Variants in GRM5 observed in about 807,000 individuals in gnomAD.
GRM5 encodes the protein metabotropic glutamate receptor 5.
GRM5 carries 19 observed loss-of-function variants against 83.1 expected under a neutral mutation model. The ratio of observed to expected loss-of-function variants is 0.23; its 90% CI spans 0.16 to 0.34. The LOEUF (loss-of-function observed/expected upper bound fraction) is 0.34, where lower values mean the gene tolerates loss of function less well. Among genes scored for constraint, GRM5 ranks in the 10% least tolerant of loss-of-function variants. GRM5 has a pLI of 1.00. For synonymous variants in GRM5, 675 were observed against 633.6 expected, an observed-to-expected ratio of 1.07 and a Z score of -0.98; for missense variants, 1,160 against 1,588.3, an observed-to-expected ratio of 0.73 and a Z score of 4.58.
Position 89,047,962 on chromosome 11 carries a change from T to C in GRM5, c.-90A>G. On this transcript the variant is annotated 5_prime_UTR_variant, in exon 2 of 10. Transcript: ENST00000305447. The surrounding 1 kb of genome is among the most constrained non-coding windows in gnomAD (Gnocchi z 5.1). ...GCTACGAACAAGCGATGTCCTACGT[T>C]GAGTCGCAAATCAAGAAATTAGCCA... 2 of 915,764 alleles carry C rather than the reference T, an allele frequency of 2.2e-6. No individual in the cohort carries two copies. The highest frequency in any genetic ancestry group is 3.4e-6 in the Non-Finnish European group (2 of 589,128). The allele number at this position is 915,764 out of a possible 1,614,324, so 56.7% of individuals were successfully genotyped here.
chr11:88,672,341 A>T (rs554939557), intron 3 of GRM5, among the ~76,000 whole-genome samples: 29 of 152,098 alleles, frequency 1.9e-4, no homozygotes, highest in Non-Finnish European at 3.1e-4. Context: ...TTGATGACAA[A>T]CATATTATAT....
At position 88,875,539 on chromosome 11, in the gene GRM5, T is replaced by C. The variant is rs180780259; in HGVS notation, c.662-25384A>G. On this transcript the variant is annotated intron_variant, in intron 2 of 9. Transcript: ENST00000305447. The stretch of plus-strand genomic sequence containing the variant: ...CACTCCCATGAATCACTAATGTTAT[T>C]AATGGTAATTAAAATGTTGAATCCT... Among the ~76,000 whole-genome samples, 17 of 152,182 alleles carry C rather than the reference T, an allele frequency of 1.1e-4. 3 individuals are homozygous for C. The highest frequency in any genetic ancestry group is 1.0e-3 in the Admixed American group (16 of 15,242).
At chr11:88,655,980 A>G (rs1939758933) in intron 3 of GRM5, among the ~76,000 whole-genome samples, 1 of 152,146 alleles carries the variant, frequency 6.6e-6, no homozygotes, top group Admixed American at 6.6e-5. Flanking sequence ...TTAAACATTA[A>G]CATTTTTATA....
intron 2 of GRM5, among the ~76,000 whole-genome samples, chr11:88,987,765 G>T (rs1000051240): frequency 4.0e-5 from 6 of 151,664 alleles, no homozygotes; most frequent in Non-Finnish European, 7.4e-5. Context: ...CACCTCACAC[G>T]GCAGGGTACT....
chr11:89,048,525 C>G (rs1409289324), intron 1 of GRM5, among the ~76,000 whole-genome samples: 1 of 152,136 alleles, frequency 6.6e-6, no homozygotes, highest in African/African-American at 2.4e-5. Context: ...AAATCTTTAG[C>G]CTTGAGCATG....
intron 3 of GRM5, among the ~76,000 whole-genome samples, chr11:88,843,018 G>C (rs1944231058): frequency 6.6e-6 from 1 of 152,098 alleles, no homozygotes; most frequent in Admixed American, 6.5e-5. Flanking sequence ...ACAAATTAAT[G>C]ACACTGAATA....
chr11:89,038,470 C>CCT (rs1941447710), intron 2 of GRM5, among the ~76,000 whole-genome samples: 2 of 152,168 alleles, frequency 1.3e-5, no homozygotes, highest in Non-Finnish European at 2.9e-5. Context: ...TTATTGGCAT[C>CCT]TGAAGGACAG....
intron 3 of GRM5, among the ~76,000 whole-genome samples, chr11:88,765,770 G>A (rs1040106284): frequency 2.6e-5 from 4 of 151,716 alleles, no homozygotes; most frequent in African/African-American, 9.7e-5. Context: ...ATGCTTCATG[G>A]CATTGTATTT....
At chr11:88,774,804 C>T (rs991448737) in intron 3 of GRM5, among the ~76,000 whole-genome samples, 4 of 152,126 alleles carry the variant, frequency 2.6e-5, no homozygotes, top group African/African-American at 4.8e-5. Context: ...CCAACTTGAT[C>T]GTGGTGGATA....
intron 3 of GRM5, among the ~76,000 whole-genome samples, chr11:88,709,453 C>T (rs990799143): frequency 3.9e-5 from 6 of 152,042 alleles, no homozygotes; most frequent in African/African-American, 1.4e-4. Context: ...CCATAGATTT[C>T]ACTGGGTCAC....
chr11:88,975,459 G>T (rs945270177), intron 2 of GRM5, among the ~76,000 whole-genome samples: 4 of 152,170 alleles, frequency 2.6e-5, no homozygotes, highest in Non-Finnish European at 2.9e-5. Flanking sequence ...GGTTTGAAAG[G>T]ATGCCAGGGA....
intron 3 of GRM5, among the ~76,000 whole-genome samples, chr11:88,686,297 A>G (rs1273432403): frequency 2.0e-5 from 3 of 152,092 alleles, no homozygotes; most frequent in Non-Finnish European, 4.4e-5. Context: ...GTTTTGGACA[A>G]TTTCTCCCAT....
At chr11:88,878,475 C>A (rs1944896031) in intron 2 of GRM5, among the ~76,000 whole-genome samples, 1 of 152,116 alleles carries the variant, frequency 6.6e-6, no homozygotes, top group Non-Finnish European at 1.5e-5. Context: ...TCCCTATTCC[C>A]TCCCCACAGT....
chr11:89,009,222 G>C (rs1940614942), intron 2 of GRM5: 6 of 563,552 alleles, frequency 1.1e-5, no homozygotes, highest in Non-Finnish European at 1.6e-5. Flanking sequence ...AGCATACCAA[G>C]ATGTAATGTC....
At chr11:88,844,502 G>A (rs1944265084) in intron 3 of GRM5, among the ~76,000 whole-genome samples, 1 of 147,628 alleles carries the variant, frequency 6.8e-6, no homozygotes, top group East Asian at 2.0e-4. Context: ...TTGTTTACAT[G>A]CCTGCTAACA....
intron 3 of GRM5, among the ~76,000 whole-genome samples, chr11:88,773,806 T>C (rs1942790105): frequency 6.6e-6 from 1 of 152,214 alleles, no homozygotes; most frequent in African/African-American, 2.4e-5. Context: ...GTTCCATTGG[T>C]CTATACATCT....
intron 7 of GRM5, among the ~76,000 whole-genome samples, chr11:88,585,095 G>A (rs571981841): frequency 1.3e-5 from 2 of 152,258 alleles, no homozygotes; most frequent in Non-Finnish European, 2.9e-5. Flanking sequence ...TATCTCAGAG[G>A]AGTCTGAAGG....
At chr11:88,702,203 T>C (rs1279736011) in intron 3 of GRM5, among the ~76,000 whole-genome samples, 1 of 152,082 alleles carries the variant, frequency 6.6e-6, no homozygotes, top group Non-Finnish European at 1.5e-5. Context: ...ATATAGCCTG[T>C]GGTAGATAGA....
At chr11:88,583,187 A>G (rs911628464) in intron 7 of GRM5, among the ~76,000 whole-genome samples, 1 of 152,068 alleles carries the variant, frequency 6.6e-6, no homozygotes, top group East Asian at 1.9e-4. Context: ...TTGTAAAAAG[A>G]GAGCAATTCC....
Sources: gnomAD v4.1 joint callset for allele counts (sites outside exome capture counted in the v4.1 genomes callset) on GRCh38, gnomAD v4.1.1 for gene constraint, Gnocchi (gnomAD v3.1) non-coding constraint, MANE v1.5 for transcripts, NCBI Gene and HGNC (gene_info 2026-07-23, HGNC 2026-07-21) for gene names.